Variants in DLC1 observed in about 807,000 individuals in gnomAD.
DLC1 encodes the protein DLC1 Rho GTPase activating protein, also known as rho GTPase-activating protein 7.
A neutral mutation model predicts 140.3 loss-of-function variants in DLC1; 54 were observed. The observed-to-expected ratio is 0.38, with a 90% confidence interval of 0.31 to 0.48. DLC1 has a LOEUF of 0.48. Among genes scored for constraint, DLC1 ranks in the 20% least tolerant of loss-of-function variants. The pLI is 0.96. For synonymous variants in DLC1, 986 were observed against 728.1 expected (o/e 1.35, Z -5.70); for missense variants, 2,536 against 1,907.0 (o/e 1.33, Z -6.14).
chr8:13,140,476 G>T (rs1020207299), intron 5 of DLC1, among the ~76,000 whole-genome samples: 2 of 151,276 alleles, frequency 1.3e-5, no homozygotes, highest in African/African-American at 4.9e-5. Context: ...CAAGCGATTC[G>T]CCTGCCTCTG....
At chr8:13,111,153 G>C (rs1192410958) in intron 6 of DLC1, among the ~76,000 whole-genome samples, 1 of 152,154 alleles carries the variant, frequency 6.6e-6, no homozygotes, top group Non-Finnish European at 1.5e-5. Context: ...CACAAAGACT[G>C]TCAGAAGAAT....
At chr8:13,482,913 G>C (rs969455245) in intron 2 of DLC1, among the ~76,000 whole-genome samples, 2 of 152,202 alleles carry the variant, frequency 1.3e-5, no homozygotes, top group African/African-American at 4.8e-5. Flanking sequence ...TTTACAGTTT[G>C]AATTGGAGGT....
At chr8:13,300,538 C>T (rs919310130) in intron 5 of DLC1, among the ~76,000 whole-genome samples, 1 of 152,146 alleles carries the variant, frequency 6.6e-6, no homozygotes, top group Non-Finnish European at 1.5e-5. Context: ...TCGTCCTCTT[C>T]GTGGCTGAAT....
chr8:13,147,708 G>A (rs1823535315), intron 5 of DLC1, among the ~76,000 whole-genome samples: 1 of 151,520 alleles, frequency 6.6e-6, no homozygotes, highest in Admixed American at 6.6e-5. Flanking sequence ...AGCATTTATT[G>A]GCTGGGCATG....
intron 2 of DLC1, among the ~76,000 whole-genome samples, chr8:13,494,897 G>A (rs1801432271): frequency 6.6e-6 from 1 of 152,122 alleles, no homozygotes; most frequent in Admixed American, 6.5e-5. Flanking sequence ...GTTGCAATGG[G>A]CGGAGATCAC....
intron 1 of DLC1, among the ~76,000 whole-genome samples, chr8:13,560,401 G>A (rs1322266187): frequency 6.6e-6 from 1 of 152,206 alleles, no homozygotes; most frequent in Non-Finnish European, 1.5e-5. Flanking sequence ...GATAGGGTCA[G>A]AGAATATAAC....
At chr8:13,438,458 A>C (rs1839220227) in intron 2 of DLC1, among the ~76,000 whole-genome samples, 1 of 152,174 alleles carries the variant, frequency 6.6e-6, no homozygotes, top group Admixed American at 6.5e-5. Context: ...ATCGCTATAA[A>C]ACCAGTCAGT....
At chr8:13,470,033 C>T (rs1302432541) in intron 2 of DLC1, among the ~76,000 whole-genome samples, 2 of 152,138 alleles carry the variant, frequency 1.3e-5, no homozygotes, top group African/African-American at 2.4e-5. Context: ...TACCATCTAA[C>T]AATAAATTCC....
At chr8:13,416,821 G>A (rs1052362053) in intron 2 of DLC1, among the ~76,000 whole-genome samples, 2 of 152,102 alleles carry the variant, frequency 1.3e-5, no homozygotes, top group African/African-American at 2.4e-5. Flanking sequence ...CTGGGAACCT[G>A]CCCTTTGTAA....
At chr8:13,346,765 T>C (rs1834361097) in intron 4 of DLC1, among the ~76,000 whole-genome samples, 1 of 152,200 alleles carries the variant, frequency 6.6e-6, no homozygotes, top group Admixed American at 6.5e-5. Flanking sequence ...TTATTGGCTC[T>C]CTTGCTTCCC....
intron 5 of DLC1, among the ~76,000 whole-genome samples, chr8:13,200,951 C>T (rs557415896): frequency 1.7e-4 from 26 of 152,254 alleles, no homozygotes; most frequent in African/African-American, 6.3e-4. Flanking sequence ...TCTGAATCTC[C>T]ATTTATAGCC....
chr8:13,134,842 T>G (rs1422845421), intron 5 of DLC1, among the ~76,000 whole-genome samples: 1 of 152,184 alleles, frequency 6.6e-6, no homozygotes, highest in Admixed American at 6.5e-5. Flanking sequence ...GGCTCCCTAA[T>G]TTACCCAAAG....
At chr8:13,333,713 A>C (rs1833697559) in intron 4 of DLC1, among the ~76,000 whole-genome samples, 1 of 152,220 alleles carries the variant, frequency 6.6e-6, no homozygotes, top group Non-Finnish European at 1.5e-5. Context: ...AATTTATAGT[A>C]ACTCAAACTA....
At chr8:13,231,338 T>G (rs2117200562) in intron 5 of DLC1, among the ~76,000 whole-genome samples, 1 of 152,326 alleles carries the variant, frequency 6.6e-6, no homozygotes, top group Non-Finnish European at 1.5e-5. Flanking sequence ...TCAAAGGAAC[T>G]TGGTCAGGCT....
intron 4 of DLC1, among the ~76,000 whole-genome samples, chr8:13,323,736 A>C (rs1833222910): frequency 6.6e-6 from 1 of 152,242 alleles, no homozygotes; most frequent in Non-Finnish European, 1.5e-5. Flanking sequence ...GAATGCAGCA[A>C]AATGAATACC....
At chr8:13,141,261 A>AAAAAAAAAAAAAAAAC (rs1822970490) in intron 5 of DLC1, among the ~76,000 whole-genome samples, 1 of 65,530 alleles carries the variant, frequency 1.5e-5, no homozygotes, top group Non-Finnish European at 4.5e-5. Flanking sequence ...TGTCTCAAAA[A>AAAAAAAAAAAAAAAAC]AAAAAAAAAA....
intron 5 of DLC1, among the ~76,000 whole-genome samples, chr8:13,266,231 G>T (rs896782630): frequency 2.6e-5 from 4 of 152,186 alleles, no homozygotes; most frequent in Non-Finnish European, 5.9e-5. Flanking sequence ...AATTTCCAGT[G>T]TTAGTGCCAT....
intron 5 of DLC1, among the ~76,000 whole-genome samples, chr8:13,242,942 C>G (rs977796429): frequency 6.6e-6 from 1 of 151,758 alleles, no homozygotes; most frequent in African/African-American, 2.4e-5. Flanking sequence ...AGAAGAGGGA[C>G]CTGGTGGGAT....
intron 2 of DLC1, among the ~76,000 whole-genome samples, chr8:13,416,974 T>C (rs924875813): frequency 7.9e-5 from 12 of 152,148 alleles, no homozygotes; most frequent in African/African-American, 2.9e-4. Flanking sequence ...CGTATTGTGC[T>C]GGTAAGGAAT....
Sources: gnomAD v4.1 joint callset for allele counts (sites outside exome capture counted in the v4.1 genomes callset) on GRCh38, gnomAD v4.1.1 for gene constraint, MANE v1.5 for transcripts, NCBI Gene and HGNC (gene_info 2026-07-23, HGNC 2026-07-21) for gene names.